BABAM2: variants seen among roughly 807,000 people sequenced by gnomAD.
BABAM2 encodes the protein BRISC and BRCA1-A complex member 2.
In BABAM2, 31 loss-of-function variants were observed where a neutral mutation model predicts 54.7. That is an observed-to-expected ratio of 0.57 (90% confidence interval 0.43 to 0.77). BABAM2 has a LOEUF of 0.77. BABAM2 is among the 30% of genes least tolerant of loss of function. The pLI is 0.00. For missense variants in BABAM2, 364 were observed against 455.8 expected (o/e 0.80, Z 1.83); for synonymous variants, 167 against 162.9 (o/e 1.03, Z -0.19).
intron 3 of BABAM2, among the ~76,000 whole-genome samples, chr2:27,965,110 A>G (rs993519075): frequency 2.6e-5 from 4 of 152,116 alleles, no homozygotes; most frequent in African/African-American, 9.7e-5. Context: ...ATCCCTCTCT[A>G]TGTCTGTTGT....
intron 11 of BABAM2, among the ~76,000 whole-genome samples, chr2:28,312,921 G>T (rs1172531432): frequency 6.6e-6 from 1 of 152,208 alleles, no homozygotes; most frequent in Non-Finnish European, 1.5e-5. Flanking sequence ...AAGGCATACA[G>T]TATCAAGATT....
At chr2:28,057,457 C>T (rs1304136050) in intron 6 of BABAM2, among the ~76,000 whole-genome samples, 1 of 152,016 alleles carries the variant, frequency 6.6e-6, no homozygotes, top group East Asian at 1.9e-4. Context: ...CACAGTGAGA[C>T]TAACAGGAAT....
At chr2:27,918,458 G>A (rs1312641325) in intron 2 of BABAM2, among the ~76,000 whole-genome samples, 1 of 152,058 alleles carries the variant, frequency 6.6e-6, no homozygotes, top group African/African-American at 2.4e-5. Context: ...CATTGTGTGT[G>A]TGTGTGTGTA....
chr2:28,326,593 G>A lies in BABAM2; in HGVS notation c.1089-11857G>A, dbSNP rs147056231. Among the ~76,000 whole-genome samples the A allele has an allele frequency of 4.7e-3, 720 of 152,328 alleles. 4 individuals are homozygous for A. The highest frequency in any genetic ancestry group is 0.028 in the South Asian group (133 of 4,832). ...TCCTGCCTCTCATCAAGCAGGTTAT[G>A]ATGGGCACGGCAGTCTGAGAGGGAG... On this transcript the variant is annotated intron_variant, in intron 11 of 11. Coordinates refer to ENST00000379624, the MANE Select transcript of BABAM2 (RefSeq NM_199191.3).
At chr2:28,286,508 A>G (rs1686830970) in intron 10 of BABAM2, among the ~76,000 whole-genome samples, 1 of 152,100 alleles carries the variant, frequency 6.6e-6, no homozygotes, top group South Asian at 2.1e-4. Flanking sequence ...TATTCCGTCT[A>G]CCCAGATCCC....
At chr2:28,184,263 C>CCTCTCTCTCTCTCT (rs757881813) in intron 7 of BABAM2, among the ~76,000 whole-genome samples, 24 of 59,382 alleles carry the variant, frequency 4.0e-4, no homozygotes, top group Admixed American at 7.3e-4. Flanking sequence ...TCCCTCCCTC[C>CCTCTCTCTCTCTCT]CTCTCTCTCT....
At chr2:27,976,938 T>C (rs1029601840) in intron 3 of BABAM2, among the ~76,000 whole-genome samples, 4 of 152,176 alleles carry the variant, frequency 2.6e-5, no homozygotes, top group African/African-American at 4.8e-5. Context: ...TTAAATGACC[T>C]AAGTTTAGCC....
intron 7 of BABAM2, among the ~76,000 whole-genome samples, chr2:28,172,586 T>A (rs1674476003): frequency 6.6e-6 from 1 of 152,218 alleles, no homozygotes; most frequent in South Asian, 2.1e-4. Flanking sequence ...AACTTATGTT[T>A]CCCTGTGAAG....
rs140575767 is a variant in BABAM2, at chr2:28,278,316, C to T, written c.935-20022C>T. On this transcript the variant is annotated intron_variant, in intron 10 of 11. Transcript: ENST00000379624. ...GAAGAAGCTGGGGTTTGATAAACCA[C>T]TTGGGAAACTGGTTCAGGAAAGATA... Among the ~76,000 whole-genome samples, 32 of 152,028 alleles carry T rather than the reference C, an allele frequency of 2.1e-4. 1 individual carries two copies. In the East Asian group the frequency reaches 5.8e-3, roughly 28 times the overall value.
chr2:28,072,855 G>A (rs924558398), intron 6 of BABAM2, among the ~76,000 whole-genome samples: 4 of 152,200 alleles, frequency 2.6e-5, no homozygotes, highest in Non-Finnish European at 5.9e-5. Context: ...AAGATAGAAC[G>A]ACTACTGTCC....
chr2:27,912,061 T>C (rs1417535692), intron 2 of BABAM2, among the ~76,000 whole-genome samples: 1 of 152,196 alleles, frequency 6.6e-6, no homozygotes, highest in Admixed American at 6.5e-5. Flanking sequence ...CCTTAGGAGA[T>C]ACAAACATTG....
At chr2:28,054,481 A>G (rs762728807) in intron 6 of BABAM2, among the ~76,000 whole-genome samples, 1 of 152,172 alleles carries the variant, frequency 6.6e-6, no homozygotes, top group Admixed American at 6.5e-5. Flanking sequence ...CCAAATTTAT[A>G]TGTTGAAATC....
intron 10 of BABAM2, among the ~76,000 whole-genome samples, chr2:28,274,379 A>G (rs1265369047): frequency 6.6e-6 from 1 of 152,188 alleles, no homozygotes; most frequent in East Asian, 1.9e-4. Flanking sequence ...TATTTGCTTC[A>G]TTATTCTGCT....
At chr2:28,048,261 A>G (rs1160721215) in intron 6 of BABAM2, among the ~76,000 whole-genome samples, 2 of 152,218 alleles carry the variant, frequency 1.3e-5, no homozygotes, top group Non-Finnish European at 2.9e-5. Context: ...TCATAAGTTC[A>G]TATTACCAGG....
intron 3 of BABAM2, among the ~76,000 whole-genome samples, chr2:27,931,022 C>G (rs1350846858): frequency 1.3e-5 from 2 of 152,174 alleles, no homozygotes; most frequent in African/African-American, 4.8e-5. Context: ...GGGGCCATGT[C>G]TCTGTATAGT....
intron 5 of BABAM2, among the ~76,000 whole-genome samples, chr2:28,044,260 G>T (rs1351034757): frequency 6.6e-6 from 1 of 152,062 alleles, no homozygotes; most frequent in Non-Finnish European, 1.5e-5. Context: ...ACGGAGTTTC[G>T]CTCTTGTTGC....
intron 4 of BABAM2, among the ~76,000 whole-genome samples, chr2:27,992,071 T>C (rs1362551892): frequency 6.6e-6 from 1 of 152,236 alleles, no homozygotes; most frequent in African/African-American, 2.4e-5. Context: ...AAGTGGTATC[T>C]CATACCCACA....
intron 6 of BABAM2, among the ~76,000 whole-genome samples, chr2:28,086,323 G>A (rs1665635335): frequency 6.6e-6 from 1 of 152,106 alleles, no homozygotes; most frequent in African/African-American, 2.4e-5. Context: ...ATTTGTCTTT[G>A]AGTTCGTAGA....
At chr2:27,967,997 GAC>G (rs1348553810) in intron 3 of BABAM2, among the ~76,000 whole-genome samples, 1 of 152,222 alleles carries the variant, frequency 6.6e-6, no homozygotes, top group Non-Finnish European at 1.5e-5. Flanking sequence ...TTTGCAGCCT[GAC>G]AATGTGATAG....
Sources: gnomAD v4.1 joint callset for allele counts (sites outside exome capture counted in the v4.1 genomes callset) on GRCh38, gnomAD v4.1.1 for gene constraint, MANE v1.5 for transcripts, NCBI Gene and HGNC (gene_info 2026-07-23, HGNC 2026-07-21) for gene names.